The following AJAP1 variants were observed in gnomAD, a reference collection of about 807,000 sequenced individuals.
The protein encoded by AJAP1 is adherens junction-associated protein 1.
Under a neutral mutation model 35.0 loss-of-function variants are expected in AJAP1, and 5 were observed. The observed-to-expected ratio is 0.14, with a 90% confidence interval of 0.07 to 0.30. AJAP1 has a LOEUF of 0.30. Among genes scored for constraint, AJAP1 ranks in the 10% least tolerant of loss-of-function variants. The pLI is 1.00. For synonymous variants in AJAP1, 284 were observed against 249.3 expected, an observed-to-expected ratio of 1.14 and a Z score of -1.31; for missense variants, 586 against 571.0, an observed-to-expected ratio of 1.03 and a Z score of -0.27.
chr1:4,781,508 G>GC (rs1444007727), intron 5 of AJAP1, among the ~76,000 whole-genome samples: 1 of 152,250 alleles, frequency 6.6e-6, no homozygotes, highest in East Asian at 1.9e-4. Flanking sequence ...AAATTCTAGA[G>GC]CTCCCACTGG....
intron 2 of AJAP1, among the ~76,000 whole-genome samples, chr1:4,736,411 C>T (rs914633282): frequency 6.6e-6 from 1 of 152,212 alleles, no homozygotes; most frequent in Admixed American, 6.5e-5. Flanking sequence ...TCACATCTTA[C>T]CCCCTCCCAG....
rs886900091 is a variant in AJAP1, at chr1:4,770,353, C to T, written c.917+413C>T. Among the ~76,000 whole-genome samples, 29 of 152,200 alleles carry T rather than the reference C, an allele frequency of 1.9e-4. 1 individual carries two copies. Among genetic ancestry groups the T allele is most frequent in the African/African-American group, 2.7e-4 (11 of 41,468 alleles). On this transcript the variant is annotated intron_variant, in intron 3 of 5. Transcript: ENST00000378191. ...ACGTCCCTCACTCAGGCTTGGTGGC[C>T]GGTTGCTGAACCAGCCCTGTTTGTA...
intron 5 of AJAP1, among the ~76,000 whole-genome samples, chr1:4,780,781 G>C (rs569853803): frequency 2.0e-5 from 3 of 151,870 alleles, no homozygotes; most frequent in South Asian, 2.1e-4. Context: ...ACAGGTGTGC[G>C]CCCCCATGCC....
intron 1 of AJAP1, among the ~76,000 whole-genome samples, chr1:4,688,727 G>A (rs1320157180): frequency 1.4e-5 from 2 of 142,582 alleles, no homozygotes; most frequent in East Asian, 2.1e-4. Flanking sequence ...AGCTGAGATC[G>A]TGCCACTGCA....
chr1:4,753,300 C>T (rs72639906), intron 2 of AJAP1, among the ~76,000 whole-genome samples: 15,679 of 152,030 alleles, frequency 0.1, 888 homozygotes, highest in African/African-American at 0.14. Flanking sequence ...AAGAGAACAC[C>T]TTGAGGCTTA....
chr1:4,721,207 G>T (rs1640508504), intron 2 of AJAP1, among the ~76,000 whole-genome samples: 1 of 152,174 alleles, frequency 6.6e-6, no homozygotes, highest in Non-Finnish European at 1.5e-5. Flanking sequence ...TTTGTGAGTG[G>T]GGACTGGGGC....
At position 4,712,673 on chromosome 1, in the gene AJAP1, C is replaced by G; in HGVS notation, c.803C>G (p.Pro268Arg). Residue 268 changes from proline (P) to arginine (R), a missense_variant, in exon 2 of 6, where the codon CCC (proline) becomes CGC (arginine). Transcript: ENST00000378191. ...AGCAACAACGGGGAAGTCACCCAGC[C>G]CCCAAGGATTCTGGGGGAGGCCTCA... ...SPSNNGEVTQ[P>R]PRILGEASGL... is the part of the protein sequence containing the mutation. 6.6e-7 allele frequency: 1 copy of G among 1,516,540 alleles called. No individual in the cohort carries two copies. The highest frequency in any genetic ancestry group is 8.9e-7 in the Non-Finnish European group (1 of 1,128,798). The allele number at this position is 1,516,540 out of a possible 1,614,324, so 93.9% of individuals were successfully genotyped here. A position where few individuals can be genotyped will look rare whatever the true frequency, so the allele number is the denominator to read the frequency against.
chr1:4,658,449 G>C (rs528447965), intron 1 of AJAP1, among the ~76,000 whole-genome samples: 1 of 152,344 alleles, frequency 6.6e-6, no homozygotes, highest in African/African-American at 2.4e-5. Flanking sequence ...GTGCAGCCCA[G>C]CTTTAGCGGA....
intron 2 of AJAP1, among the ~76,000 whole-genome samples, chr1:4,724,496 C>T (rs3820252): frequency 0.12 from 17,861 of 152,086 alleles, 1,833 homozygotes; most frequent in African/African-American, 0.27. Context: ...TTTACCATGA[C>T]GTCTCTCATA....
intron 1 of AJAP1, among the ~76,000 whole-genome samples, chr1:4,694,222 G>A (rs564333380): frequency 8.3e-4 from 127 of 152,286 alleles, no homozygotes; most frequent in African/African-American, 2.8e-3. Context: ...TTGCCGGGGG[G>A]GGATGGCCCC....
At position 4,721,496 on chromosome 1, in the gene AJAP1, A is replaced by G. The variant is rs766680631; in HGVS notation, c.829+8797A>G. ...GACGGAAGAGTCGGATGTCCCCACC[A>G]TGTGATTTCAGAGACACACCCTGTG... On this transcript the variant is annotated intron_variant, in intron 2 of 5. Coordinates refer to ENST00000378191, the MANE Select transcript of AJAP1 (RefSeq NM_018836.4). Among the ~76,000 whole-genome samples the G allele has an allele frequency of 8.5e-4, 130 of 152,194 alleles. 2 individuals are homozygous for G. Among genetic ancestry groups the G allele is most frequent in the Admixed American group, 8.3e-3 (127 of 15,280 alleles).
chr1:4,703,308 G>A (rs1273445199), intron 1 of AJAP1, among the ~76,000 whole-genome samples: 1 of 152,124 alleles, frequency 6.6e-6, no homozygotes, highest in Non-Finnish European at 1.5e-5. Flanking sequence ...TGAGACTGGG[G>A]GATGGCCATG....
chr1:4,749,082 C>T (rs557891404), intron 2 of AJAP1, among the ~76,000 whole-genome samples: 1 of 152,302 alleles, frequency 6.6e-6, no homozygotes, highest in South Asian at 2.1e-4. Context: ...CATGCCAGGG[C>T]CCTGCAGTCC....
chr1:4,747,347 C>T (rs184460039), intron 2 of AJAP1, among the ~76,000 whole-genome samples: 2 of 152,334 alleles, frequency 1.3e-5, no homozygotes, highest in South Asian at 2.1e-4. Flanking sequence ...CCACCTCACC[C>T]GGCCTCTGTT....
chr1:4,673,212 G>C (rs964962817), intron 1 of AJAP1, among the ~76,000 whole-genome samples: 19 of 152,212 alleles, frequency 1.2e-4, no homozygotes, highest in Non-Finnish European at 2.5e-4. Flanking sequence ...TGAGCTCATA[G>C]GTGGGGTTGG....
chr1:4,767,668 TATC>T (rs765683373), intron 2 of AJAP1, among the ~76,000 whole-genome samples: 39 of 151,294 alleles, frequency 2.6e-4, no homozygotes, highest in Non-Finnish European at 2.4e-4. Context: ...TCATCACTAT[TATC>T]ATCACCATCA....
At chr1:4,748,819 G>A (rs1390381665) in intron 2 of AJAP1, among the ~76,000 whole-genome samples, 2 of 151,662 alleles carry the variant, frequency 1.3e-5, no homozygotes, top group Non-Finnish European at 2.9e-5. Flanking sequence ...AGGGCACCCT[G>A]GAGTCTTTTT....
intron 3 of AJAP1, 28 bp from the exon 4 acceptor site, chr1:4,772,252 C>G (rs1641851164): frequency 6.2e-7 from 1 of 1,611,774 alleles, no homozygotes; most frequent in African/African-American, 1.3e-5. Flanking sequence ...TCTGCCCGTC[C>G]CCCTACCCCA....
intron 1 of AJAP1, among the ~76,000 whole-genome samples, chr1:4,668,418 A>G (rs577840368): frequency 6.6e-6 from 1 of 152,274 alleles, no homozygotes; most frequent in East Asian, 1.9e-4. Flanking sequence ...TGACTTTAAA[A>G]TGCCCAAGTA....
Sources: gnomAD v4.1 joint callset for allele counts (sites outside exome capture counted in the v4.1 genomes callset) on GRCh38, gnomAD v4.1.1 for gene constraint, MANE v1.5 for transcripts, NCBI Gene and HGNC (gene_info 2026-07-23, HGNC 2026-07-21) for gene names.